CLVS1: variants seen among roughly 807,000 people sequenced by gnomAD.
CLVS1 encodes the protein clavesin 1.
Under a neutral mutation model 33.1 loss-of-function variants are expected in CLVS1, and 10 were observed. The ratio of observed to expected loss-of-function variants is 0.30; its 90% CI spans 0.19 to 0.51. The LOEUF (loss-of-function observed/expected upper bound fraction) is 0.51, where lower values mean the gene tolerates loss of function less well. Ranked by LOEUF, CLVS1 falls within the 20% of genes least tolerant of loss-of-function variation. The pLI is 0.97. For synonymous variants in CLVS1, 163 were observed against 166.1 expected (o/e 0.98, Z 0.14); for missense variants, 343 against 433.4 (o/e 0.79, Z 1.85).
chr8:61,300,818 A>G (rs1810401901), intron 2 of CLVS1: 1 of 152,362 alleles, frequency 6.6e-6, no homozygotes, highest in Non-Finnish European at 1.5e-5. Flanking sequence ...TTCTCATTCT[A>G]CCTGCTCTTT....
At chr8:61,222,770 G>T (rs1440429463) in intron 2 of CLVS1, among the ~76,000 whole-genome samples, 1 of 152,180 alleles carries the variant, frequency 6.6e-6, no homozygotes, top group Non-Finnish European at 1.5e-5. Context: ...AATACTGACA[G>T]TGGGGTGTTA....
rs1363252234 is a variant in CLVS1 at position 61,500,527 on chromosome 8, T to TGAA, written c.*987_*989dup. ...TATGGATGGCTAAATATGCAAGTAC[T>TGAA]GAAGTAAGAGAAGACTAGAAATGCA... On this transcript the variant is annotated 3_prime_UTR_variant, in exon 6 of 6. Coordinates refer to ENST00000325897, the MANE Select transcript of CLVS1 (RefSeq NM_173519.3). The TGAA allele has an allele frequency of 6.6e-6, 1 of 152,212 alleles. No homozygotes were observed. Among genetic ancestry groups the TGAA allele is most frequent in the Non-Finnish European group, 1.5e-5 (1 of 68,038 alleles). 9.4% of individuals were successfully genotyped at this position (152,212 alleles called of 1,614,324 possible).
chr8:61,254,338 G>T (rs568081172), intron 2 of CLVS1, among the ~76,000 whole-genome samples: 1 of 152,320 alleles, frequency 6.6e-6, no homozygotes, highest in African/African-American at 2.4e-5. Flanking sequence ...CTACTGGGGG[G>T]TGCCTCCCAG....
intron 2 of CLVS1, among the ~76,000 whole-genome samples, chr8:61,215,761 A>G (rs994225361): frequency 2.7e-5 from 4 of 150,874 alleles, no homozygotes; most frequent in Non-Finnish European, 4.4e-5. Flanking sequence ...ATCCATGTAA[A>G]GGTTTCAAAG....
chr8:61,143,394 G>A (rs1200338346), intron 2 of CLVS1, among the ~76,000 whole-genome samples: 2 of 152,088 alleles, frequency 1.3e-5, no homozygotes, highest in African/African-American at 4.8e-5. Context: ...GATTTTACCT[G>A]TCCTCAAACT....
At chr8:61,417,048 G>A (rs1239890403) in intron 3 of CLVS1, among the ~76,000 whole-genome samples, 1 of 152,104 alleles carries the variant, frequency 6.6e-6, no homozygotes, top group Non-Finnish European at 1.5e-5. Flanking sequence ...TGGAGAAGGA[G>A]AAAATGATCT....
chr8:61,329,247 C>A (rs2129597050), intron 2 of CLVS1, among the ~76,000 whole-genome samples: 1 of 151,624 alleles, frequency 6.6e-6, no homozygotes, highest in East Asian at 1.9e-4. Context: ...TGCTCATGGG[C>A]AAATAATTTT....
At chr8:61,382,047 G>T (rs1298187337) in intron 3 of CLVS1, among the ~76,000 whole-genome samples, 2 of 151,970 alleles carry the variant, frequency 1.3e-5, no homozygotes, top group Non-Finnish European at 2.9e-5. Context: ...TATTCTCTCT[G>T]GCTTCCTTCC....
chr8:61,247,073 C>A (rs1349825937), intron 2 of CLVS1, among the ~76,000 whole-genome samples: 2 of 152,122 alleles, frequency 1.3e-5, no homozygotes, highest in African/African-American at 4.8e-5. Flanking sequence ...ATTTTGTGTT[C>A]CTGCCTTAGT....
At chr8:61,234,788 G>A (rs1005743662) in intron 2 of CLVS1, among the ~76,000 whole-genome samples, 5 of 152,074 alleles carry the variant, frequency 3.3e-5, no homozygotes, top group East Asian at 3.9e-4. Flanking sequence ...ATGGATCTCC[G>A]CAGAAAAATG....
chr8:61,340,293 T>A (rs966045262), intron 2 of CLVS1, among the ~76,000 whole-genome samples: 20 of 152,224 alleles, frequency 1.3e-4, no homozygotes, highest in African/African-American at 3.4e-4. Context: ...ATAGATCTCT[T>A]GAACTTATTC....
intron 2 of CLVS1, among the ~76,000 whole-genome samples, chr8:61,180,824 T>C (rs1232188925): frequency 6.6e-6 from 1 of 152,190 alleles, no homozygotes; most frequent in African/African-American, 2.4e-5. Flanking sequence ...AACTACATAT[T>C]GATGGAACAT....
intron 3 of CLVS1, among the ~76,000 whole-genome samples, chr8:61,383,866 T>G (rs1397027638): frequency 6.6e-6 from 1 of 152,226 alleles, no homozygotes; most frequent in African/African-American, 2.4e-5. Context: ...AAGCTGTTAC[T>G]TCCAGCCAGT....
chr8:61,152,298 G>T (rs1056786598), intron 2 of CLVS1, among the ~76,000 whole-genome samples: 11 of 152,076 alleles, frequency 7.2e-5, no homozygotes, highest in Non-Finnish European at 1.6e-4. Flanking sequence ...TCTTGTATGG[G>T]CATGGATCCC....
chr8:61,138,025 A>G (rs1222465431), intron 2 of CLVS1, among the ~76,000 whole-genome samples: 1 of 152,212 alleles, frequency 6.6e-6, no homozygotes, highest in Non-Finnish European at 1.5e-5. Context: ...GGAAAGATGA[A>G]TGAGATAGTC....
At chr8:61,133,463 G>T (rs180856536) in intron 2 of CLVS1, among the ~76,000 whole-genome samples, 1 of 152,178 alleles carries the variant, frequency 6.6e-6, no homozygotes, top group Non-Finnish European at 1.5e-5. Context: ...GTTGTAAGTA[G>T]CTCCTTAGGG....
intron 5 of CLVS1, among the ~76,000 whole-genome samples, chr8:61,487,800 T>C (rs759625558): frequency 1.3e-5 from 2 of 152,214 alleles, no homozygotes; most frequent in Non-Finnish European, 2.9e-5. Context: ...AAAAACATAA[T>C]TATGAAACCT....
At chr8:61,472,752 A>G (rs1232912508) in intron 5 of CLVS1, among the ~76,000 whole-genome samples, 1 of 152,192 alleles carries the variant, frequency 6.6e-6, no homozygotes, top group African/African-American at 2.4e-5. Context: ...CAGTAATCAG[A>G]TTTTATGCGT....
intron 2 of CLVS1, among the ~76,000 whole-genome samples, chr8:61,188,565 G>A (rs1265495933): frequency 6.6e-6 from 1 of 152,028 alleles, no homozygotes. Context: ...GAATTTGAAG[G>A]CCATCTGCAG....
Sources: allele counts gnomAD v4.1 joint callset (sites outside exome capture counted in the v4.1 genomes callset), GRCh38; gene constraint gnomAD v4.1.1; transcripts MANE v1.5; gene names NCBI Gene and HGNC (gene_info 2026-07-23, HGNC 2026-07-21).